Variants in ABCC10 observed in about 807,000 individuals in gnomAD.
The protein encoded by ABCC10 is ATP binding cassette subfamily C member 10.
A neutral mutation model predicts 143.2 loss-of-function variants in ABCC10; 110 were observed. That is an observed-to-expected ratio of 0.77 (90% CI 0.66 to 0.90). The LOEUF is 0.90. Among genes scored for constraint, ABCC10 ranks in the 40% least tolerant of loss-of-function variants. ABCC10 has a pLI of 0.00. For synonymous variants in ABCC10, 805 were observed against 846.7 expected (o/e 0.95, Z 0.85); for missense variants, 1,700 against 1,900.5 (o/e 0.89, Z 1.96).
chr6:43,444,924 C>A lies in ABCC10; in HGVS notation c.2826C>A (p.Ser942=). Residue 942 remains serine, a synonymous_variant, in exon 13 of 22, where the codon TCC becomes TCA. Coordinates refer to ENST00000372530, the MANE Select transcript of ABCC10 (RefSeq NM_001198934.2). The part of the protein sequence containing the change: ...GLFSPQLLLF[S]PGNLYIPVFP... ...TCTCTCCGCAGCTGCTCCTCTTTTC[C>A]CCTGGAAACCTCTAGTGAGTGGCTG... The A allele has an allele frequency of 6.2e-7, 1 of 1,612,640 alleles. No homozygotes were observed. Among genetic ancestry groups the A allele is most frequent in the Admixed American group, 1.7e-5 (1 of 59,744 alleles).
chr6:43,442,252 C>T (rs560098864), intron 9 of ABCC10, among the ~76,000 whole-genome samples: 2 of 152,190 alleles, frequency 1.3e-5, no homozygotes, highest in African/African-American at 4.8e-5. Context: ...TAAGATCAGC[C>T]TGGGCAATGT....
intron 18 of ABCC10, chr6:43,448,164 T>G (rs1783329240): frequency 1.4e-6 from 1 of 705,658 alleles, no homozygotes; most frequent in Non-Finnish European, 2.5e-6. Context: ...AGGCCACCTT[T>G]CCAGCTTCAT....
intron 6 of ABCC10, among the ~76,000 whole-genome samples, chr6:43,437,546 C>G (rs368025590): frequency 6.6e-6 from 1 of 151,738 alleles, no homozygotes; most frequent in African/African-American, 2.4e-5. Flanking sequence ...AGCCACAGGT[C>G]GACTTAGCCA....
chr6:43,450,781 CACCT>C, downstream of ABCC10: 12 of 1,614,224 alleles, frequency 7.4e-6, no homozygotes, highest in Non-Finnish European at 1.0e-5. This position sits in a 1 kb window ranked among gnomAD's most constrained non-coding sequence, Gnocchi z 4.5. Flanking sequence ...AAGCTAGGCT[CACCT>C]AGCCCAGCCT....
chr6:43,444,159 C>T lies in ABCC10; in HGVS notation c.2495C>T (p.Ala832Val). The T allele has an allele frequency of 1.2e-6, 2 of 1,611,612 alleles. No homozygotes were observed. Among genetic ancestry groups the T allele is most frequent in the Non-Finnish European group, 1.7e-6 (2 of 1,178,278 alleles). The change falls in exon 12 of 22, where the codon GCC (alanine) becomes GTC (valine). Residue 832 changes from alanine to valine, a missense_variant and splice_region_variant. Ala to Val is a moderately conservative substitution (Grantham distance 64). Coordinates refer to ENST00000372530, the MANE Select transcript of ABCC10 (RefSeq NM_001198934.2). ...WAENGQESDS[A>V]TAQSVQNPEK... ...CTTCCATGACCCCTGATTCTCACAG[C>T]CACAGCCCAGTCAGTACAGAACCCA...
chr6:43,443,944 G>C lies in ABCC10; in HGVS notation c.2428G>C (p.Glu810Gln). The C allele has an allele frequency of 6.2e-7, 1 of 1,613,994 alleles. No individual in the cohort carries two copies. Among genetic ancestry groups the C allele is most frequent in the Non-Finnish European group, 8.5e-7 (1 of 1,179,798 alleles). The change falls in exon 11 of 22, where the codon GAG becomes CAG. Residue 810 changes from glutamate to glutamine, a missense_variant. Glu to Gln is a conservative substitution (Grantham distance 29). Transcript: ENST00000372530. The surrounding 1 kb of genome is among the most constrained non-coding windows in gnomAD (Gnocchi z 4.2). ...GRLIRAGPPS[E>Q]ILPLVQAVPK... ...CTTCTACCCTCCAGGACCTCCCTCT[G>C]AGATTCTGCCACTGGTACAAGCTGT... is the stretch of plus-strand genomic sequence containing the variant.
downstream of ABCC10, chr6:43,451,360 CAT>C: frequency 6.7e-7 from 1 of 1,499,082 alleles, no homozygotes; most frequent in Non-Finnish European, 9.0e-7. The surrounding 1 kb of genome is among the most constrained non-coding windows in gnomAD (Gnocchi z 4.4). Context: ...CACTGCCCGC[CAT>C]GTCATCTTGG....
At chr6:43,444,065 C>G in intron 11 of ABCC10, 55 bp downstream of exon 11, 1 of 1,606,920 alleles carries the variant, frequency 6.2e-7, no homozygotes, top group Non-Finnish European at 8.5e-7. Context: ...CACTGTAGAG[C>G]TTTTTCTACA....
chr6:43,440,926 AAAAAC>A (rs1406667031), intron 8 of ABCC10, among the ~76,000 whole-genome samples: 6 of 147,444 alleles, frequency 4.1e-5, no homozygotes, highest in South Asian at 4.2e-4. Context: ...TACAAAAAAA[AAAAAC>A]AAACAAACAA....
Position 43,443,914 on chromosome 6 carries a change from C to T in ABCC10, c.2417-19C>T, listed in dbSNP as rs1326254727. 1.9e-6 allele frequency: 3 copies of T among 1,601,408 alleles called. No homozygotes were observed. The South Asian group carries it at 3.3e-5, about 18-fold the overall frequency. On this transcript the variant is annotated intron_variant, in intron 10 of 21. Coordinates refer to ENST00000372530, the MANE Select transcript of ABCC10 (RefSeq NM_001198934.2). This position sits in a 1 kb window ranked among gnomAD's most constrained non-coding sequence, Gnocchi z 4.2. ...AGACTCAGAACAGTCCTCTCCCAAT[C>T]TCCCCTTCTACCCTCCAGGACCTCC...
chr6:43,427,661 C>G lies in ABCC10; in HGVS notation c.-108C>G. ...TTTTTTTTTTTTGCATACACCAGTT[C>G]TCAGGATATCGGAATCCGGTGCACA... On this transcript the variant is annotated 5_prime_UTR_variant, in exon 1 of 22. Transcript: ENST00000372530. The G allele has an allele frequency of 2.2e-6, 1 of 456,960 alleles. No homozygotes were observed. Among genetic ancestry groups the G allele is most frequent in the South Asian group, 2.1e-5 (1 of 47,866 alleles). The allele number at this position is 456,960 out of a possible 1,614,324, so 28.3% of individuals were successfully genotyped here.
At position 43,429,048 on chromosome 6, in the gene ABCC10, CCAT is replaced by C. The variant is rs201720705; in HGVS notation, c.161+913_161+915del. ...CCGCCCCCTGGGAAAGCAAGAAAGA[CCAT>C]CATGTGATCAATAGAAATTGTGCTT... On this transcript the variant is annotated intron_variant, in intron 2 of 21. Transcript: ENST00000372530. 3.2e-3 allele frequency among the ~76,000 whole-genome samples: 487 copies of C among 152,334 alleles called. 4 individuals carry two copies. The highest frequency in any genetic ancestry group is 0.011 in the African/African-American group (462 of 41,580).
chr6:43,432,915 TC>T lies in ABCC10; in HGVS notation c.937del (p.Leu313TrpfsTer8). On this transcript the variant is annotated frameshift_variant, in exon 3 of 22. Coordinates refer to ENST00000372530, the MANE Select transcript of ABCC10 (RefSeq NM_001198934.2). LOFTEE classifies it high-confidence loss of function. ...GPLLLSLLVG[F>X]LEEGQEPLSH... ...CTGTTGCTCTCCCTACTGGTGGGCT[TC>T]CTGGAAGAGGGGCAGGAGCCACTAA... 1 of 1,614,170 alleles carries T rather than the reference TC, an allele frequency of 6.2e-7. No homozygotes were observed.
intron 9 of ABCC10, among the ~76,000 whole-genome samples, chr6:43,442,399 C>T (rs1375927935): frequency 6.6e-6 from 1 of 152,124 alleles, no homozygotes; most frequent in Non-Finnish European, 1.5e-5. Context: ...GAAACCCCAT[C>T]GCTACTGAAA....
At chr6:43,437,090 C>T (rs370355340) in intron 6 of ABCC10, among the ~76,000 whole-genome samples, 3 of 152,334 alleles carry the variant, frequency 2.0e-5, no homozygotes, top group South Asian at 2.1e-4. Flanking sequence ...GGCCTCAACT[C>T]GCAGAGCTCT....
Position 43,432,543 on chromosome 6 carries a change from G to T in ABCC10, c.563G>T (p.Gly188Val), listed in dbSNP as rs545530473. The T allele has an allele frequency of 6.2e-7, 1 of 1,613,010 alleles. No individual in the cohort carries two copies. Among genetic ancestry groups the T allele is most frequent in the South Asian group, 1.1e-5 (1 of 91,090 alleles). ...GCTGCACTCTTGGCCTATGCACTGGGATGGGCAGCTCCTGGGGGACCACGA... is the reference window on the plus strand; with the variant it reads ...GCTGCACTCTTGGCCTATGCACTGGTATGGGCAGCTCCTGGGGGACCACGA... ...QLAALLAYALGWAAPGGPREP... is the reference protein window; with the variant it reads ...QLAALLAYALVWAAPGGPREP... The change falls in exon 3 of 22, where the codon GGA becomes GTA. Residue 188 changes from glycine (G) to valine (V), a missense_variant. Gly to Val is a moderately radical substitution (Grantham distance 109). Transcript: ENST00000372530.
At chr6:43,447,203 C>T (rs1204235025) in intron 16 of ABCC10, 45 bp from the exon 17 acceptor site, 2 of 1,593,486 alleles carry the variant, frequency 1.3e-6, no homozygotes, top group South Asian at 1.1e-5. Flanking sequence ...CCACAAACGT[C>T]CCGGTGTCCA....
intron 2 of ABCC10, among the ~76,000 whole-genome samples, chr6:43,429,789 G>A (rs926206908): frequency 2.0e-5 from 3 of 152,222 alleles, no homozygotes; most frequent in Non-Finnish European, 2.9e-5. Flanking sequence ...GCTGAGACAG[G>A]CAGATCACTG....
At chr6:43,446,132 T>A in intron 15 of ABCC10, 145 bp from the exon 16 acceptor site, 1 of 1,141,024 alleles carries the variant, frequency 8.8e-7, no homozygotes, top group Non-Finnish European at 1.2e-6. Flanking sequence ...CACACTGGCA[T>A]CTGCAGCCCT....
Sources: allele counts gnomAD v4.1 joint callset (sites outside exome capture counted in the v4.1 genomes callset), GRCh38; gene constraint gnomAD v4.1.1; non-coding constraint Gnocchi (gnomAD v3.1); transcripts MANE v1.5; gene names NCBI Gene and HGNC (gene_info 2026-07-23, HGNC 2026-07-21).